ASTN2: variants seen among roughly 807,000 people sequenced by gnomAD.
The protein encoded by ASTN2 is astrotactin-2.
In ASTN2, 54 loss-of-function variants were observed where a neutral mutation model predicts 139.8. The ratio of observed to expected loss-of-function variants is 0.39; its 90% confidence interval spans 0.31 to 0.48. The LOEUF is 0.48. ASTN2 is among the 20% of genes least tolerant of loss of function. ASTN2 has a pLI of 0.95. For missense variants in ASTN2, 1,565 were observed against 1,725.1 expected (o/e 0.91, Z 1.64); for synonymous variants, 756 against 719.5 (o/e 1.05, Z -0.81).
At chr9:116,778,038 G>T (rs1226029824) in intron 13 of ASTN2, among the ~76,000 whole-genome samples, 1 of 151,932 alleles carries the variant, frequency 6.6e-6, no homozygotes, top group Admixed American at 6.6e-5. Context: ...GTAGAGACGG[G>T]GTTTCACCAT....
intron 16 of ASTN2, among the ~76,000 whole-genome samples, chr9:116,689,544 A>G (rs1477991236): frequency 6.6e-6 from 1 of 152,152 alleles, no homozygotes; most frequent in Non-Finnish European, 1.5e-5. Context: ...TTCCATAGCT[A>G]GGAATGACAC....
In ASTN2 at chr9:116,784,178, C is replaced by T. The variant is rs145458343; in HGVS notation, c.2396+21454G>A. Among the ~76,000 whole-genome samples, 330 of 152,230 alleles carry T rather than the reference C, an allele frequency of 2.2e-3. 1 individual carries two copies. The highest frequency in any genetic ancestry group is 7.4e-3 in the African/African-American group (308 of 41,542). Reference sequence around the variant, plus strand: ...ATTTGAACCCACATCTACTTAGCTCCGAAGTCTGTATTGTGTTTACTTCCC... The same window carrying T: ...ATTTGAACCCACATCTACTTAGCTCTGAAGTCTGTATTGTGTTTACTTCCC... On this transcript the variant is annotated intron_variant, in intron 13 of 22. Coordinates refer to ENST00000313400, the MANE Select transcript of ASTN2 (RefSeq NM_001365068.1).
chr9:116,953,363 C>T (rs1244353346), intron 10 of ASTN2, among the ~76,000 whole-genome samples: 1 of 152,152 alleles, frequency 6.6e-6, no homozygotes, highest in African/African-American at 2.4e-5. Flanking sequence ...ATTGTTTTGG[C>T]TAGAGAGCAG....
At chr9:116,527,403 G>T (rs142603768) in intron 19 of ASTN2, among the ~76,000 whole-genome samples, 1 of 152,044 alleles carries the variant, frequency 6.6e-6, no homozygotes, top group African/African-American at 2.4e-5. Context: ...GCATACAAAA[G>T]GCCAACAGGT....
At chr9:117,293,003 C>T (rs1346478741) in intron 1 of ASTN2, among the ~76,000 whole-genome samples, 1 of 151,878 alleles carries the variant, frequency 6.6e-6, no homozygotes, top group Non-Finnish European at 1.5e-5. Flanking sequence ...AAAATGTTAG[C>T]TACGAATTTT....
At chr9:116,958,604 A>G (rs909111467) in intron 10 of ASTN2, among the ~76,000 whole-genome samples, 6 of 151,998 alleles carry the variant, frequency 3.9e-5, no homozygotes, top group Non-Finnish European at 8.8e-5. Context: ...CAAACAAACA[A>G]AAAAAAGAGC....
intron 1 of ASTN2, among the ~76,000 whole-genome samples, chr9:117,381,579 AG>A (rs1330878848): frequency 7.9e-5 from 12 of 152,214 alleles, no homozygotes; most frequent in Middle Eastern, 3.4e-3. Context: ...CATATTAAGA[AG>A]CCTGCTCTTG....
chr9:117,329,322 T>A (rs1286703984), intron 1 of ASTN2, among the ~76,000 whole-genome samples: 4 of 151,868 alleles, frequency 2.6e-5, no homozygotes, highest in Non-Finnish European at 5.9e-5. Flanking sequence ...TCCACTTTCC[T>A]CTTTTAATGT....
chr9:116,832,964 T>TTTATTTATTTATTTATTTATTTA (rs1564292236), intron 11 of ASTN2, among the ~76,000 whole-genome samples: 1 of 100,328 alleles, frequency 1.0e-5, no homozygotes, highest in Non-Finnish European at 2.0e-5. Flanking sequence ...TTATTTATTT[T>TTTATTTATTTATTTATTTATTTA]TTGGGAATTG....
chr9:117,138,232 A>G (rs1281694048), intron 4 of ASTN2, among the ~76,000 whole-genome samples: 1 of 152,198 alleles, frequency 6.6e-6, no homozygotes, highest in Non-Finnish European at 1.5e-5. Context: ...AAGAGATAGT[A>G]GCAGGTTGGG....
At chr9:116,519,943 T>C (rs1850799700) in intron 19 of ASTN2, among the ~76,000 whole-genome samples, 1 of 152,002 alleles carries the variant, frequency 6.6e-6, no homozygotes, top group Admixed American at 6.6e-5. Context: ...ACAACCCTCC[T>C]AGATTAAACC....
chr9:116,784,046 G>A (rs1830294880), intron 13 of ASTN2, among the ~76,000 whole-genome samples: 2 of 152,068 alleles, frequency 1.3e-5, no homozygotes, highest in Non-Finnish European at 2.9e-5. Context: ...AATAGTATGA[G>A]GACCATATAG....
Position 117,197,606 on chromosome 9 carries a change from C to T in ASTN2, c.1015+16752G>A, listed in dbSNP as rs770291342. Among the ~76,000 whole-genome samples the T allele has an allele frequency of 2.4e-4, 37 of 152,224 alleles. 2 individuals are homozygous for T. Among genetic ancestry groups the T allele is most frequent in the Non-Finnish European group, 2.1e-4 (14 of 68,024 alleles). ...GTGTGTGTGTATACACAATTATATACACTGATACACACACATCCATATACA... is the reference window on the plus strand; with the variant it reads ...GTGTGTGTGTATACACAATTATATATACTGATACACACACATCCATATACA... On this transcript the variant is annotated intron_variant, in intron 3 of 22. Transcript: ENST00000313400.
rs538778144 is a variant in ASTN2 at position 116,428,794 on chromosome 9, C to T, written c.3783-2706G>A. Reference sequence around the variant, plus strand: ...GTGAAGTGCTTTACCACTTGTCCCTCAGTTTTCTTACCTTACCCACAAAAT... The same window carrying T: ...GTGAAGTGCTTTACCACTTGTCCCTTAGTTTTCTTACCTTACCCACAAAAT... On this transcript the variant is annotated intron_variant, in intron 22 of 22. Coordinates refer to ENST00000313400, the MANE Select transcript of ASTN2 (RefSeq NM_001365068.1). 2.0e-5 allele frequency among the ~76,000 whole-genome samples: 3 copies of T among 152,278 alleles called. No homozygotes were observed. The East Asian group carries it at 5.8e-4, about 29-fold the overall frequency.
At chr9:117,377,533 G>A (rs925460913) in intron 1 of ASTN2, among the ~76,000 whole-genome samples, 1 of 152,036 alleles carries the variant, frequency 6.6e-6, no homozygotes, top group Admixed American at 6.6e-5. Context: ...AATTAGGATC[G>A]CTTTTTAAGA....
At chr9:117,075,814 A>G (rs553334058) in intron 5 of ASTN2, among the ~76,000 whole-genome samples, 1 of 152,310 alleles carries the variant, frequency 6.6e-6, no homozygotes, top group South Asian at 2.1e-4. Context: ...GACTCAGTCA[A>G]GTTGCTTTTC....
chr9:117,085,368 A>C (rs1828534694), intron 5 of ASTN2, among the ~76,000 whole-genome samples: 1 of 152,154 alleles, frequency 6.6e-6, no homozygotes, highest in Admixed American at 6.5e-5. Flanking sequence ...CTTTTAAAAT[A>C]TTTTAAGTAT....
intron 13 of ASTN2, among the ~76,000 whole-genome samples, chr9:116,743,322 A>C (rs1345507085): frequency 3.3e-5 from 5 of 152,152 alleles, no homozygotes; most frequent in African/African-American, 4.8e-5. Flanking sequence ...AGGCCGAGGC[A>C]GGCAGATCTT....
At chr9:116,611,728 C>CTG (rs1435833346) in intron 19 of ASTN2, 2 of 152,076 alleles carry the variant, frequency 1.3e-5, no homozygotes, top group East Asian at 3.8e-4. Flanking sequence ...CTAAGTAAAT[C>CTG]TATATCTATT....
Sources: allele counts gnomAD v4.1 joint callset (sites outside exome capture counted in the v4.1 genomes callset), GRCh38; gene constraint gnomAD v4.1.1; transcripts MANE v1.5; gene names NCBI Gene and HGNC (gene_info 2026-07-23, HGNC 2026-07-21).